The following PAM variants were observed in gnomAD, a reference collection of about 807,000 sequenced individuals.
PAM encodes the protein peptidylglycine alpha-amidating monooxygenase.
A neutral mutation model predicts 122.1 loss-of-function variants in PAM; 72 were observed. The observed-to-expected ratio is 0.59, with a 90% CI of 0.49 to 0.72. The LOEUF is 0.72. Ranked by LOEUF, PAM falls within the 30% of genes least tolerant of loss-of-function variation. The probability of loss-of-function intolerance (pLI) is 0.00; values close to 1 mark genes in which losing one functional copy is unlikely to be tolerated. For missense variants in PAM, 1,106 were observed against 1,183.7 expected (o/e 0.93, Z 0.96); for synonymous variants, 389 against 404.4 (o/e 0.96, Z 0.46).
At chr5:102,777,755 T>G (rs1757561025) in intron 1 of PAM, among the ~76,000 whole-genome samples, 1 of 152,158 alleles carries the variant, frequency 6.6e-6, no homozygotes, top group South Asian at 2.1e-4. Context: ...GGTATTTTAT[T>G]TCCCCCCAGA....
intron 4 of PAM, among the ~76,000 whole-genome samples, chr5:102,909,838 A>C (rs1486835286): frequency 6.6e-6 from 1 of 151,914 alleles, no homozygotes; most frequent in Admixed American, 6.6e-5. Context: ...GTTATCCCTA[A>C]TACATACAAG....
At chr5:102,764,137 C>T (rs1033490811) in intron 1 of PAM, among the ~76,000 whole-genome samples, 1 of 151,886 alleles carries the variant, frequency 6.6e-6, no homozygotes, top group Non-Finnish European at 1.5e-5. Context: ...AAATATTTAG[C>T]GACTCCCTAC....
intron 1 of PAM, among the ~76,000 whole-genome samples, chr5:102,791,237 A>C (rs917848092): frequency 6.6e-6 from 1 of 152,108 alleles, no homozygotes; most frequent in African/African-American, 2.4e-5. Context: ...AATTTCTAGA[A>C]GTAAAATTAA....
intron 21 of PAM, among the ~76,000 whole-genome samples, chr5:103,015,631 T>C (rs1449100505): frequency 6.6e-6 from 1 of 152,132 alleles, no homozygotes; most frequent in Non-Finnish European, 1.5e-5. Flanking sequence ...GAAGACATAA[T>C]GAGTCTTCAT....
chr5:102,956,211 T>G (rs996176434), intron 12 of PAM, among the ~76,000 whole-genome samples: 9 of 152,090 alleles, frequency 5.9e-5, no homozygotes, highest in African/African-American at 2.2e-4. Flanking sequence ...ATCACGTGTG[T>G]AAAGGCAAAC....
chr5:103,025,122 T>C lies in PAM; in HGVS notation c.2486-9T>C. 1.2e-6 allele frequency: 2 copies of C among 1,603,176 alleles called. No individual in the cohort carries two copies. The highest frequency in any genetic ancestry group is 1.7e-6 in the Non-Finnish European group (2 of 1,170,394). Reference sequence around the variant, plus strand: ...CAGTTGAATATTGTGAACTCTTCTTTCCCTGAAGAAGCCGAGGCAGTTGTT... The same window carrying C: ...CAGTTGAATATTGTGAACTCTTCTTCCCCTGAAGAAGCCGAGGCAGTTGTT... On this transcript the variant is annotated splice_polypyrimidine_tract_variant and intron_variant, in intron 23 of 25. Transcript: ENST00000438793.
At chr5:102,812,461 G>C (rs1429001055) in intron 1 of PAM, among the ~76,000 whole-genome samples, 1 of 151,380 alleles carries the variant, frequency 6.6e-6, no homozygotes, top group East Asian at 1.9e-4. Flanking sequence ...ATTTTGCTGT[G>C]GTTCTCTGAA....
chr5:102,960,846 A>G (rs570021701), intron 13 of PAM, among the ~76,000 whole-genome samples: 33 of 151,638 alleles, frequency 2.2e-4, no homozygotes, highest in Admixed American at 2.0e-3. Flanking sequence ...AAACAGTGCT[A>G]AATTTAATTT....
intron 1 of PAM, among the ~76,000 whole-genome samples, chr5:102,765,018 A>G (rs533042603): frequency 1.3e-5 from 2 of 151,888 alleles, no homozygotes; most frequent in South Asian, 2.1e-4. Flanking sequence ...CTATTGGCCT[A>G]TTTCCATCAC....
intron 3 of PAM, among the ~76,000 whole-genome samples, chr5:102,893,998 A>G (rs528565758): frequency 1.3e-5 from 2 of 151,552 alleles, no homozygotes; most frequent in South Asian, 2.1e-4. Flanking sequence ...CTGTTTCTCA[A>G]TCTGCCCTAG....
At chr5:102,824,590 T>A (rs1561545660) in intron 1 of PAM, among the ~76,000 whole-genome samples, 1 of 152,226 alleles carries the variant, frequency 6.6e-6, no homozygotes, top group South Asian at 2.1e-4. Flanking sequence ...CTGTGATAGC[T>A]GCATCTGGTT....
At chr5:102,868,444 AAAATGACTTTCACTTCCTCCTCATCCCC>A (rs1217894161) in intron 3 of PAM, among the ~76,000 whole-genome samples, 4 of 152,196 alleles carry the variant, frequency 2.6e-5, no homozygotes, top group Non-Finnish European at 4.4e-5. Flanking sequence ...TACCACTGTA[AAAATGACTTTCACTTCCTCCTCATCCCC>A]AAATGACCAT....
chr5:102,965,221 C>T (rs1482306556), intron 14 of PAM, among the ~76,000 whole-genome samples: 3 of 150,606 alleles, frequency 2.0e-5, no homozygotes, highest in Non-Finnish European at 3.0e-5. Flanking sequence ...AAGGTTGGCA[C>T]TTTTAGAAAA....
chr5:102,831,733 G>C (rs981971175), intron 1 of PAM, among the ~76,000 whole-genome samples: 1 of 152,054 alleles, frequency 6.6e-6, no homozygotes, highest in Non-Finnish European at 1.5e-5. Flanking sequence ...TGATTACTCT[G>C]CCTCCGTACA....
intron 1 of PAM, among the ~76,000 whole-genome samples, chr5:102,779,917 A>G (rs555718640): frequency 8.4e-6 from 1 of 119,716 alleles, no homozygotes; most frequent in South Asian, 2.8e-4. Flanking sequence ...ATATATATAT[A>G]TACACACATA....
chr5:102,869,392 G>T (rs193298041), intron 3 of PAM, among the ~76,000 whole-genome samples: 1 of 146,120 alleles, frequency 6.8e-6, no homozygotes, highest in Non-Finnish European at 1.5e-5. Flanking sequence ...TTGAAAGAAT[G>T]TAGTGCTTGG....
intron 16 of PAM, among the ~76,000 whole-genome samples, chr5:103,000,082 A>G (rs1776939678): frequency 6.6e-6 from 1 of 152,142 alleles, no homozygotes. Flanking sequence ...CCTTTTAAAC[A>G]TACGTTCCAA....
At chr5:102,881,137 C>CACACACACAT (rs772263017) in intron 3 of PAM, among the ~76,000 whole-genome samples, 8 of 151,318 alleles carry the variant, frequency 5.3e-5, no homozygotes, top group African/African-American at 1.9e-4. Flanking sequence ...CATACACACA[C>CACACACACAT]ACACACACAC....
At chr5:102,921,155 G>A (rs769793634) in intron 5 of PAM, among the ~76,000 whole-genome samples, 17 of 152,074 alleles carry the variant, frequency 1.1e-4, no homozygotes, top group Non-Finnish European at 2.1e-4. Flanking sequence ...AATCGACTTA[G>A]TCTGGAGGAG....
Sources: gnomAD v4.1 joint callset for allele counts (sites outside exome capture counted in the v4.1 genomes callset) on GRCh38, gnomAD v4.1.1 for gene constraint, MANE v1.5 for transcripts, NCBI Gene and HGNC (gene_info 2026-07-23, HGNC 2026-07-21) for gene names.